The following TSHZ2 variants were observed in gnomAD, a reference collection of about 807,000 sequenced individuals.
TSHZ2 encodes the protein teashirt zinc finger homeobox 2, also known as teashirt homolog 2.
A neutral mutation model predicts 74.4 loss-of-function variants in TSHZ2; 21 were observed. The observed-to-expected ratio is 0.28, with a 90% CI of 0.20 to 0.41. The LOEUF (loss-of-function observed/expected upper bound fraction) is 0.41, where lower values mean the gene tolerates loss of function less well. Among genes scored for constraint, TSHZ2 ranks in the 10% least tolerant of loss-of-function variants. TSHZ2 has a pLI of 1.00. For missense variants in TSHZ2, 1,244 were observed against 1,293.5 expected (o/e 0.96, Z 0.59); for synonymous variants, 540 against 515.3 (o/e 1.05, Z -0.65).
At chr20:53,478,401 C>T (rs2145849914) in intron 2 of TSHZ2, among the ~76,000 whole-genome samples, 1 of 151,416 alleles carries the variant, frequency 6.6e-6, no homozygotes, top group Admixed American at 6.6e-5. Flanking sequence ...TCTCAGTAAA[C>T]TATCGCAAGA....
intron 2 of TSHZ2, among the ~76,000 whole-genome samples, chr20:53,405,587 G>A (rs1266091484): frequency 6.6e-6 from 1 of 152,172 alleles, no homozygotes; most frequent in Non-Finnish European, 1.5e-5. Context: ...TGTTGCCAAG[G>A]TGCCAACATT....
chr20:53,308,008 C>T (rs2145494626), intron 2 of TSHZ2, among the ~76,000 whole-genome samples: 1 of 152,292 alleles, frequency 6.6e-6, no homozygotes, highest in South Asian at 2.1e-4. Context: ...AAAAATAATC[C>T]TCAGTAGTGC....
chr20:53,416,053 C>T lies in TSHZ2; in HGVS notation c.*9-71091C>T, dbSNP rs142737887. On this transcript the variant is annotated intron_variant, in intron 2 of 2. Transcript: ENST00000371497. ...TTTCAGTGGGGACTAACGCAGTCAGCTCTGCAATTTAGGAGGGTTGCTCTG... is the reference window on the plus strand; with the variant it reads ...TTTCAGTGGGGACTAACGCAGTCAGTTCTGCAATTTAGGAGGGTTGCTCTG... Among the ~76,000 whole-genome samples the T allele has an allele frequency of 5.2e-4, 79 of 152,316 alleles. 1 individual carries two copies. The East Asian group carries it at 0.012, about 23-fold the overall frequency.
intron 2 of TSHZ2, among the ~76,000 whole-genome samples, chr20:53,364,447 C>T (rs1352903162): frequency 2.0e-5 from 3 of 151,790 alleles, no homozygotes; most frequent in African/African-American, 7.3e-5. Flanking sequence ...TCCCCTGAAG[C>T]CATCACTTTC....
At chr20:53,165,081 G>A (rs929471648) in intron 1 of TSHZ2, among the ~76,000 whole-genome samples, 6 of 152,044 alleles carry the variant, frequency 3.9e-5, no homozygotes, top group African/African-American at 1.5e-4. Context: ...GGATAGATGA[G>A]TGGATGGAAG....
At chr20:53,367,233 T>TAA (rs879659669) in intron 2 of TSHZ2, among the ~76,000 whole-genome samples, 1 of 139,820 alleles carries the variant, frequency 7.2e-6, no homozygotes, top group African/African-American at 2.6e-5. Context: ...CTGTCTCTAC[T>TAA]AAAAAAAAAA....
chr20:53,164,454 T>A (rs2123471191), intron 1 of TSHZ2, among the ~76,000 whole-genome samples: 1 of 151,302 alleles, frequency 6.6e-6, no homozygotes, highest in African/African-American at 2.4e-5. Flanking sequence ...TACATAGGGG[T>A]TGAAATACTG....
At chr20:53,331,828 G>C (rs1361996667) in intron 2 of TSHZ2, among the ~76,000 whole-genome samples, 1 of 152,060 alleles carries the variant, frequency 6.6e-6, no homozygotes, top group Non-Finnish European at 1.5e-5. Flanking sequence ...TCCTGGTGGC[G>C]GCAGAGCTCT....
intron 2 of TSHZ2, among the ~76,000 whole-genome samples, chr20:53,475,868 A>G (rs1338201404): frequency 7.5e-6 from 1 of 132,848 alleles, no homozygotes. Flanking sequence ...CCATCAGAGA[A>G]TACTACAAAC....
At chr20:53,082,853 G>A (rs1156286532) in intron 1 of TSHZ2, among the ~76,000 whole-genome samples, 2 of 152,222 alleles carry the variant, frequency 1.3e-5, no homozygotes, top group Admixed American at 1.3e-4. Context: ...AACTGTCCAT[G>A]CCAAATCTTG....
At chr20:53,060,679 T>C (rs1015489021) in intron 1 of TSHZ2, among the ~76,000 whole-genome samples, 49 of 152,218 alleles carry the variant, frequency 3.2e-4, no homozygotes, top group Admixed American at 2.7e-3. Flanking sequence ...GTAGTAAAAA[T>C]GGGTTAACTA....
intron 1 of TSHZ2, among the ~76,000 whole-genome samples, chr20:53,079,080 C>T (rs777061421): frequency 6.6e-6 from 1 of 152,078 alleles, no homozygotes; most frequent in Non-Finnish European, 1.5e-5. Flanking sequence ...GTCTGCAAAA[C>T]ATGAGCTTTT....
At chr20:53,019,857 C>T (rs1236642257) in intron 1 of TSHZ2, among the ~76,000 whole-genome samples, 2 of 152,146 alleles carry the variant, frequency 1.3e-5, no homozygotes, top group East Asian at 1.9e-4. Context: ...TTATCACTCT[C>T]TTCCTGTATT....
At chr20:53,307,958 T>C (rs8120425) in intron 2 of TSHZ2, among the ~76,000 whole-genome samples, 21,648 of 152,142 alleles carry the variant, frequency 0.14, 2,006 homozygotes, top group African/African-American at 0.26. Flanking sequence ...AAGATGGCAG[T>C]GGCTACAAAT....
At chr20:53,011,155 A>G (rs1233709198) in intron 1 of TSHZ2, among the ~76,000 whole-genome samples, 2 of 152,220 alleles carry the variant, frequency 1.3e-5, no homozygotes, top group African/African-American at 2.4e-5. Context: ...TTTACTGTGA[A>G]AAGTCCTCAG....
At chr20:53,257,816 G>A (rs879241845) in intron 2 of TSHZ2, among the ~76,000 whole-genome samples, 1 of 152,146 alleles carries the variant, frequency 6.6e-6, no homozygotes, top group Admixed American at 6.5e-5. Flanking sequence ...CTTAATTCAC[G>A]ATCGAATATG....
At chr20:53,017,691 A>G (rs1476602754) in intron 1 of TSHZ2, among the ~76,000 whole-genome samples, 1 of 152,190 alleles carries the variant, frequency 6.6e-6, no homozygotes, top group African/African-American at 2.4e-5. Context: ...AATATTTACT[A>G]AGATTGTCTG....
At chr20:52,993,523 G>A (rs1410206415) in intron 1 of TSHZ2, among the ~76,000 whole-genome samples, 2 of 152,124 alleles carry the variant, frequency 1.3e-5, no homozygotes, top group African/African-American at 4.8e-5. Flanking sequence ...TCTGTGCTTT[G>A]GTTTGACTTT....
intron 1 of TSHZ2, among the ~76,000 whole-genome samples, chr20:53,174,081 T>A (rs1439373710): frequency 6.6e-6 from 1 of 152,084 alleles, no homozygotes; most frequent in Non-Finnish European, 1.5e-5. Flanking sequence ...GGAAGAGACA[T>A]CTCAGGATGC....
Sources: allele counts gnomAD v4.1 joint callset (sites outside exome capture counted in the v4.1 genomes callset), GRCh38; gene constraint gnomAD v4.1.1; transcripts MANE v1.5; gene names NCBI Gene and HGNC (gene_info 2026-07-23, HGNC 2026-07-21).